The following ADGRL2 variants were observed in gnomAD, a reference collection of about 807,000 sequenced individuals.
ADGRL2 encodes adhesion G protein-coupled receptor L2.
ADGRL2 carries 44 observed loss-of-function variants against 157.4 expected under a neutral mutation model. That is an observed-to-expected ratio of 0.28 (90% confidence interval 0.22 to 0.36). The LOEUF (loss-of-function observed/expected upper bound fraction) is 0.36. Among genes scored for constraint, ADGRL2 ranks in the 10% least tolerant of loss-of-function variants. The pLI, the probability that ADGRL2 is intolerant of heterozygous loss-of-function variation, is 1.00. For missense variants in ADGRL2, 1,510 were observed against 1,768.9 expected (o/e 0.85, Z 2.63); for synonymous variants, 585 against 624.7 (o/e 0.94, Z 0.95).
At chr1:81,351,748 C>G (rs1462985447) in intron 1 of ADGRL2, among the ~76,000 whole-genome samples, 1 of 152,094 alleles carries the variant, frequency 6.6e-6, no homozygotes, top group Non-Finnish European at 1.5e-5. Context: ...CATTTTCTGT[C>G]AAAAAAGCAT....
In ADGRL2 at chr1:81,984,641, C is replaced by G; in HGVS notation, c.3341C>G (p.Thr1114Ser). ...RHSYCCGGLP[T>S]ESPHSSVKAS... Reference sequence around the variant, plus strand: ...TCATACTGCTGTGGAGGCCTCCCAACTGAGAGTCCCCACAGTTCAGTGAAG... The same window carrying G: ...TCATACTGCTGTGGAGGCCTCCCAAGTGAGAGTCCCCACAGTTCAGTGAAG... The change falls in exon 20 of 24, where the codon ACT becomes AGT. Residue 1114 changes from threonine (T) to serine (S), a missense_variant. By Grantham distance (58) the Thr-to-Ser change is moderately conservative. Transcript: ENST00000686636. The G allele has an allele frequency of 6.2e-7, 1 of 1,612,878 alleles. No individual in the cohort carries two copies. The highest frequency in any genetic ancestry group is 8.5e-7 in the Non-Finnish European group (1 of 1,179,184).
At chr1:81,361,273 T>C (rs2075974014) in intron 1 of ADGRL2, among the ~76,000 whole-genome samples, 1 of 151,936 alleles carries the variant, frequency 6.6e-6, no homozygotes, top group Admixed American at 6.6e-5. Flanking sequence ...AGTGCAAATA[T>C]TATAATGCCA....
chr1:81,868,322 C>T (rs979670344), intron 2 of ADGRL2, among the ~76,000 whole-genome samples: 2 of 152,040 alleles, frequency 1.3e-5, no homozygotes, highest in African/African-American at 4.8e-5. Flanking sequence ...GTGGTGGCTA[C>T]TTTCATTTTT....
chr1:81,935,895 G>A (rs1416262382), intron 3 of ADGRL2, among the ~76,000 whole-genome samples: 1 of 151,718 alleles, frequency 6.6e-6, no homozygotes, highest in Non-Finnish European at 1.5e-5. Context: ...TACTGACATT[G>A]CAAAAACAAG....
chr1:81,605,998 C>T (rs1336926649), intron 3 of ADGRL2, among the ~76,000 whole-genome samples: 1 of 152,126 alleles, frequency 6.6e-6, no homozygotes, highest in Non-Finnish European at 1.5e-5. Flanking sequence ...ATGACTTTTG[C>T]AAATGGAAAC....
chr1:81,443,725 A>T (rs1284257139), intron 1 of ADGRL2, among the ~76,000 whole-genome samples: 1 of 152,222 alleles, frequency 6.6e-6, no homozygotes, highest in South Asian at 2.1e-4. Flanking sequence ...GAGAAATTGT[A>T]ACTGCTGCAT....
chr1:81,667,935 ATAATGTC>A (rs1477723147), intron 3 of ADGRL2, among the ~76,000 whole-genome samples: 1 of 152,220 alleles, frequency 6.6e-6, no homozygotes, highest in East Asian at 1.9e-4. Flanking sequence ...TGATTTAAAT[ATAATGTC>A]TAACTCTCTC....
At chr1:81,916,504 C>A (rs977289312) in intron 3 of ADGRL2, among the ~76,000 whole-genome samples, 3 of 151,272 alleles carry the variant, frequency 2.0e-5, no homozygotes, top group African/African-American at 7.3e-5. Flanking sequence ...TTTTTGACAC[C>A]AAAATTCATA....
chr1:81,410,885 G>A (rs544828393), intron 1 of ADGRL2, among the ~76,000 whole-genome samples: 13 of 152,162 alleles, frequency 8.5e-5, no homozygotes, highest in Non-Finnish European at 1.6e-4. Flanking sequence ...TCTGAGATTA[G>A]TGGTCTTTTA....
At chr1:81,509,308 T>C (rs1447202907) in intron 2 of ADGRL2, among the ~76,000 whole-genome samples, 2 of 151,984 alleles carry the variant, frequency 1.3e-5, no homozygotes, top group Non-Finnish European at 2.9e-5. Flanking sequence ...GCTCAAGACA[T>C]ACTGTCTTCC....
At chr1:81,874,794 C>T (rs2093793612) in intron 2 of ADGRL2, among the ~76,000 whole-genome samples, 1 of 152,168 alleles carries the variant, frequency 6.6e-6, no homozygotes, top group Middle Eastern at 3.4e-3. Flanking sequence ...CAACCTCTGC[C>T]TCCTGGGTTC....
chr1:81,802,269 G>A (rs1391548716), intron 1 of ADGRL2, among the ~76,000 whole-genome samples: 2 of 152,082 alleles, frequency 1.3e-5, no homozygotes, highest in Non-Finnish European at 2.9e-5. Context: ...TCTGTGCCCA[G>A]CTTCGGAGAC....
At chr1:81,318,171 G>A (rs986833247) in intron 1 of ADGRL2, among the ~76,000 whole-genome samples, 2 of 151,972 alleles carry the variant, frequency 1.3e-5, no homozygotes, top group African/African-American at 4.8e-5. Context: ...TGTATTTTAT[G>A]TTATGAATAT....
intron 2 of ADGRL2, among the ~76,000 whole-genome samples, chr1:81,871,706 T>C (rs1038247953): frequency 6.6e-6 from 1 of 152,214 alleles, no homozygotes; most frequent in Non-Finnish European, 1.5e-5. Flanking sequence ...CATTTTTTCA[T>C]GTGTCTGTTG....
intron 2 of ADGRL2, among the ~76,000 whole-genome samples, chr1:81,765,622 A>G (rs1189422973): frequency 5.3e-5 from 8 of 152,168 alleles, no homozygotes; most frequent in African/African-American, 1.9e-4. Flanking sequence ...ATTTTAATGT[A>G]GTTAATCTGC....
At chr1:81,969,128 G>C (rs1657982314) in intron 14 of ADGRL2, 50 bp from the exon 15 acceptor site, 2 of 1,312,224 alleles carry the variant, frequency 1.5e-6, no homozygotes, top group Non-Finnish European at 2.2e-6. Context: ...CTTTCTTCTA[G>C]TTGATGTAAT....
At chr1:81,423,152 C>A (rs1256995646) in intron 1 of ADGRL2, among the ~76,000 whole-genome samples, 7 of 152,126 alleles carry the variant, frequency 4.6e-5, no homozygotes, top group Non-Finnish European at 7.3e-5. Context: ...AAATATAAAT[C>A]TTCATGAACT....
intron 3 of ADGRL2, among the ~76,000 whole-genome samples, chr1:81,589,583 C>T (rs2081092687): frequency 6.6e-6 from 1 of 152,192 alleles, no homozygotes; most frequent in Admixed American, 6.5e-5. Context: ...CTCAGAACTC[C>T]ATGATCCATC....
At chr1:81,688,272 C>G (rs181684306) in intron 3 of ADGRL2, among the ~76,000 whole-genome samples, 1 of 152,214 alleles carries the variant, frequency 6.6e-6, no homozygotes, top group Admixed American at 6.5e-5. Context: ...GTTTTCCAAG[C>G]TTTTCGAATT....
Sources: gnomAD v4.1 joint callset for allele counts (sites outside exome capture counted in the v4.1 genomes callset) on GRCh38, gnomAD v4.1.1 for gene constraint, MANE v1.5 for transcripts, NCBI Gene and HGNC (gene_info 2026-07-23, HGNC 2026-07-21) for gene names.